Variants in ASCC3 observed in about 807,000 individuals in gnomAD.
ASCC3 encodes activating signal cointegrator 1 complex subunit 3.
ASCC3 carries 158 observed loss-of-function variants against 256.3 expected under a neutral mutation model. The ratio of observed to expected loss-of-function variants is 0.62; its 90% CI spans 0.54 to 0.70. The LOEUF (loss-of-function observed/expected upper bound fraction) is 0.70. ASCC3 is among the 30% of genes least tolerant of loss of function. The probability of loss-of-function intolerance (pLI) is 0.00; values close to 1 mark genes in which losing one functional copy is unlikely to be tolerated. For missense variants in ASCC3, 2,259 were observed against 2,626.0 expected, an observed-to-expected ratio of 0.86 and a Z score of 3.05; for synonymous variants, 948 against 883.4, an observed-to-expected ratio of 1.07 and a Z score of -1.30.
chr6:100,525,700 T>G (rs1278395564), intron 37 of ASCC3, among the ~76,000 whole-genome samples: 1 of 152,148 alleles, frequency 6.6e-6, no homozygotes, highest in Non-Finnish European at 1.5e-5. Context: ...TTGTAGCAAA[T>G]GTACCTTACT....
At chr6:100,693,377 T>TG (rs775158010) in intron 13 of ASCC3, among the ~76,000 whole-genome samples, 1 of 151,186 alleles carries the variant, frequency 6.6e-6, no homozygotes, top group Non-Finnish European at 1.5e-5. Context: ...GGAAAGGCTG[T>TG]GGGAAAAAAA....
intron 10 of ASCC3, among the ~76,000 whole-genome samples, chr6:100,727,844 C>G (rs986338540): frequency 4.6e-5 from 7 of 151,958 alleles, no homozygotes; most frequent in African/African-American, 1.2e-4. Context: ...GGGGGCCAGA[C>G]AGAAAAGTGG....
At chr6:100,697,827 C>T (rs1026815499) in intron 13 of ASCC3, among the ~76,000 whole-genome samples, 1 of 152,092 alleles carries the variant, frequency 6.6e-6, no homozygotes, top group Non-Finnish European at 1.5e-5. Flanking sequence ...AAATTTAAAT[C>T]TATCTTAAGA....
chr6:100,750,357 T>C (rs1463889811), intron 10 of ASCC3, among the ~76,000 whole-genome samples: 1 of 152,046 alleles, frequency 6.6e-6, no homozygotes, highest in East Asian at 1.9e-4. Context: ...CCTTATGTTT[T>C]TGTGGATGCC....
intron 36 of ASCC3, among the ~76,000 whole-genome samples, chr6:100,553,845 T>C (rs780344128): frequency 2.0e-4 from 30 of 152,102 alleles, no homozygotes; most frequent in Non-Finnish European, 4.1e-4. Flanking sequence ...CCACATAAAG[T>C]TAAAAAAGAA....
intron 37 of ASCC3, among the ~76,000 whole-genome samples, chr6:100,519,549 A>G (rs1464393305): frequency 6.6e-6 from 1 of 152,182 alleles, no homozygotes; most frequent in Non-Finnish European, 1.5e-5. Flanking sequence ...AAAAAAGAGT[A>G]GTTCACAAGT....
chr6:100,582,837 G>T (rs1175013472), intron 36 of ASCC3, among the ~76,000 whole-genome samples: 1 of 152,122 alleles, frequency 6.6e-6, no homozygotes, highest in Non-Finnish European at 1.5e-5. Flanking sequence ...TCCATCTATT[G>T]AGATAATCAT....
At chr6:100,631,244 T>C (rs1160159978) in intron 25 of ASCC3, 31 bp from the exon 26 acceptor site, 1 of 1,513,180 alleles carries the variant, frequency 6.6e-7, no homozygotes, top group African/African-American at 1.4e-5. Flanking sequence ...AAAAATACTC[T>C]TATGAAAATA....
At chr6:100,687,619 T>C (rs1777645020) in intron 13 of ASCC3, among the ~76,000 whole-genome samples, 1 of 152,090 alleles carries the variant, frequency 6.6e-6, no homozygotes, top group South Asian at 2.1e-4. Context: ...TAATATACTA[T>C]GGTAATAAGA....
At chr6:100,827,881 A>AT (rs140528196) in intron 4 of ASCC3, among the ~76,000 whole-genome samples, 5,597 of 152,154 alleles carry the variant, frequency 0.037, 194 homozygotes, top group African/African-American at 0.086. Flanking sequence ...AACAAAATGG[A>AT]TTTTCACATT....
intron 10 of ASCC3, among the ~76,000 whole-genome samples, chr6:100,753,305 C>CA (rs66659985): frequency 0.91 from 133,261 of 146,990 alleles, 60,938 homozygotes; most frequent in South Asian, 0.98. Context: ...TATTCAATAG[C>CA]AAAACAAAAC....
intron 13 of ASCC3, among the ~76,000 whole-genome samples, chr6:100,686,181 C>A (rs527579764): frequency 7.2e-4 from 110 of 152,156 alleles, no homozygotes; most frequent in Middle Eastern, 3.4e-3. Context: ...AGAAATGAGA[C>A]AATATAAACA....
intron 4 of ASCC3, among the ~76,000 whole-genome samples, chr6:100,820,882 T>C (rs999892916): frequency 6.6e-6 from 1 of 152,148 alleles, no homozygotes; most frequent in African/African-American, 2.4e-5. Flanking sequence ...AAACTCAACA[T>C]TAGTCATCAG....
chr6:100,783,928 G>C (rs1441852333), intron 8 of ASCC3, among the ~76,000 whole-genome samples: 1 of 152,094 alleles, frequency 6.6e-6, no homozygotes, highest in East Asian at 1.9e-4. Context: ...TATGCGGTAG[G>C]TCTTTTTATC....
At chr6:100,817,305 G>C (rs994652918) in intron 4 of ASCC3, among the ~76,000 whole-genome samples, 4 of 151,562 alleles carry the variant, frequency 2.6e-5, no homozygotes, top group Non-Finnish European at 5.9e-5. Context: ...ATTTATAGCT[G>C]TAAATGCATA....
At chr6:100,879,292 C>CTACATTTTCATT (rs1769162631) in intron 1 of ASCC3, among the ~76,000 whole-genome samples, 2 of 152,116 alleles carry the variant, frequency 1.3e-5, no homozygotes, top group Non-Finnish European at 2.9e-5. Context: ...TTTATGGAGG[C>CTACATTTTCATT]TTCACTACAT....
At chr6:100,652,697 A>C in intron 18 of ASCC3, 28 bp downstream of exon 18, 1 of 1,602,908 alleles carries the variant, frequency 6.2e-7, no homozygotes, top group South Asian at 1.1e-5. Context: ...TGCATCTAAA[A>C]TCAAACATAT....
chr6:100,540,483 T>C (rs1223334474), intron 36 of ASCC3, 96 bp from the exon 37 acceptor site: 1 of 1,047,316 alleles, frequency 9.5e-7, no homozygotes, highest in Non-Finnish European at 1.4e-6. Context: ...CTCAGAAAAA[T>C]CATACAATAA....
At chr6:100,692,032 T>C (rs151079092) in intron 13 of ASCC3, among the ~76,000 whole-genome samples, 2 of 152,208 alleles carry the variant, frequency 1.3e-5, no homozygotes, top group African/African-American at 4.8e-5. Context: ...GGCCAACGTT[T>C]AGTTGTTTTA....
Sources: allele counts gnomAD v4.1 joint callset (sites outside exome capture counted in the v4.1 genomes callset), GRCh38; gene constraint gnomAD v4.1.1; transcripts MANE v1.5; gene names NCBI Gene and HGNC (gene_info 2026-07-23, HGNC 2026-07-21).